The following MDGA2 variants were observed in gnomAD, a reference collection of about 807,000 sequenced individuals.
MDGA2 encodes the protein MAM domain-containing glycosylphosphatidylinositol anchor protein 2.
MDGA2 carries 40 observed loss-of-function variants against 117.8 expected under a neutral mutation model. The ratio of observed to expected loss-of-function variants is 0.34; its 90% CI spans 0.26 to 0.44. The LOEUF is 0.44. MDGA2 is among the 20% of genes least tolerant of loss of function. MDGA2 has a pLI of 1.00. For synonymous variants in MDGA2, 452 were observed against 439.0 expected (o/e 1.03, Z -0.37); for missense variants, 1,123 against 1,250.6 (o/e 0.90, Z 1.54).
intron 1 of MDGA2, among the ~76,000 whole-genome samples, chr14:47,328,711 C>A (rs1027680720): frequency 6.6e-6 from 1 of 152,046 alleles, no homozygotes; most frequent in Non-Finnish European, 1.5e-5. Context: ...GTAAGAACAA[C>A]CTTCAGAGAA....
intron 1 of MDGA2, among the ~76,000 whole-genome samples, chr14:47,624,462 A>G (rs1897105404): frequency 6.6e-6 from 1 of 152,196 alleles, no homozygotes; most frequent in Non-Finnish European, 1.5e-5. Flanking sequence ...CATCTCAAAT[A>G]AGTAAACAAA....
intron 1 of MDGA2, among the ~76,000 whole-genome samples, chr14:47,466,854 C>G (rs750042504): frequency 6.6e-6 from 1 of 151,972 alleles, no homozygotes; most frequent in Non-Finnish European, 1.5e-5. Flanking sequence ...TATATGCATT[C>G]ATTCATTCTG....
At chr14:47,239,144 A>G (rs1352652746) in intron 2 of MDGA2, among the ~76,000 whole-genome samples, 1 of 151,144 alleles carries the variant, frequency 6.6e-6, no homozygotes, top group African/African-American at 2.4e-5. Flanking sequence ...CCTAATATGA[A>G]CCTCATGCTA....
chr14:47,367,578 A>G (rs1891257852), intron 1 of MDGA2, among the ~76,000 whole-genome samples: 1 of 152,248 alleles, frequency 6.6e-6, no homozygotes, highest in South Asian at 2.1e-4. Context: ...AAATAAAACT[A>G]TAGAATGATA....
chr14:46,869,199 C>A (rs142809407), intron 14 of MDGA2, among the ~76,000 whole-genome samples: 4 of 152,070 alleles, frequency 2.6e-5, no homozygotes, highest in African/African-American at 7.2e-5. Context: ...TTGAACCATT[C>A]GTATCAAGTA....
At chr14:47,483,765 G>A (rs563951173) in intron 1 of MDGA2, among the ~76,000 whole-genome samples, 1 of 152,222 alleles carries the variant, frequency 6.6e-6, no homozygotes, top group South Asian at 2.1e-4. Context: ...ATCTCAGCAG[G>A]CAGTGAGTGG....
chr14:47,055,008 T>C (rs918167499), intron 7 of MDGA2, among the ~76,000 whole-genome samples: 4 of 147,026 alleles, frequency 2.7e-5, no homozygotes, highest in Admixed American at 6.7e-5. Flanking sequence ...TTTTCTTTTT[T>C]TTTTTTTTTT....
chr14:47,481,991 A>G (rs1893963488), intron 1 of MDGA2, among the ~76,000 whole-genome samples: 1 of 152,022 alleles, frequency 6.6e-6, no homozygotes, highest in African/African-American at 2.4e-5. Context: ...GTACACAGGC[A>G]CCGTGATATA....
intron 1 of MDGA2, among the ~76,000 whole-genome samples, chr14:47,453,332 C>T (rs189107879): frequency 4.7e-4 from 71 of 152,144 alleles, no homozygotes; most frequent in Admixed American, 3.9e-3. Context: ...CAAAGGGGTG[C>T]TGTAGAGTTT....
At position 47,256,953 on chromosome 14, in the gene MDGA2, G is replaced by T. The variant is rs74382309; in HGVS notation, c.421-38758C>A. 2.0e-5 allele frequency among the ~76,000 whole-genome samples: 3 copies of T among 150,532 alleles called. No homozygotes were observed. The South Asian group carries it at 6.3e-4, about 32-fold the overall frequency. On this transcript the variant is annotated intron_variant, in intron 2 of 16. Coordinates refer to ENST00000399232, the MANE Select transcript of MDGA2 (RefSeq NM_001113498.3). ...TGAAGGAAGTGAGGAATGGAAGAAAGGGAAAGAAAAAAAGAGAAAAGAGGG... is the reference window on the plus strand; with the variant it reads ...TGAAGGAAGTGAGGAATGGAAGAAATGGAAAGAAAAAAAGAGAAAAGAGGG...
At chr14:47,066,402 T>C (rs1024791985) in intron 6 of MDGA2, among the ~76,000 whole-genome samples, 1 of 152,140 alleles carries the variant, frequency 6.6e-6, no homozygotes, top group African/African-American at 2.4e-5. Flanking sequence ...GAGATGCATC[T>C]GGGGAAATAG....
chr14:47,539,728 TTAGAG>T (rs1411080697), intron 1 of MDGA2, among the ~76,000 whole-genome samples: 3 of 152,222 alleles, frequency 2.0e-5, no homozygotes, highest in East Asian at 1.9e-4. Flanking sequence ...ATGGTGTAGC[TTAGAG>T]TAGATTTGGC....
At chr14:47,355,110 C>A (rs539212081) in intron 1 of MDGA2, among the ~76,000 whole-genome samples, 1 of 152,264 alleles carries the variant, frequency 6.6e-6, no homozygotes, top group African/African-American at 2.4e-5. Context: ...TTGTGGGGAG[C>A]ATGCAGGGCT....
At chr14:46,960,880 TTATA>T (rs1885776348) in intron 8 of MDGA2, among the ~76,000 whole-genome samples, 1 of 147,788 alleles carries the variant, frequency 6.8e-6, no homozygotes, top group Non-Finnish European at 1.5e-5. Flanking sequence ...TACACATGTT[TTATA>T]TATACATATA....
chr14:47,453,996 A>T (rs779390305), intron 1 of MDGA2, among the ~76,000 whole-genome samples: 6 of 152,058 alleles, frequency 3.9e-5, no homozygotes, highest in Non-Finnish European at 7.3e-5. Context: ...TTAAAAGATG[A>T]TGTAGCAGAT....
chr14:47,527,355 G>A (rs540297824), intron 1 of MDGA2, among the ~76,000 whole-genome samples: 93 of 152,170 alleles, frequency 6.1e-4, no homozygotes, highest in Non-Finnish European at 1.2e-3. Context: ...TATCTGTCAA[G>A]AATTTTATAG....
chr14:47,538,617 C>T (rs10139261), intron 1 of MDGA2, among the ~76,000 whole-genome samples: 16,200 of 152,206 alleles, frequency 0.11, 953 homozygotes, highest in Middle Eastern at 0.15. Flanking sequence ...ATCAGATGTA[C>T]TTGACCTTCC....
intron 13 of MDGA2, 151 bp from the exon 14 acceptor site, chr14:46,873,742 CT>C (rs949811827): frequency 1.1e-4 from 74 of 662,436 alleles, no homozygotes; most frequent in Non-Finnish European, 1.7e-4. Context: ...GTATATGTAA[CT>C]AATAGTGGCT....
intron 8 of MDGA2, among the ~76,000 whole-genome samples, chr14:46,971,487 T>C (rs2138333441): frequency 6.6e-6 from 1 of 152,224 alleles, no homozygotes; most frequent in Middle Eastern, 3.4e-3. Flanking sequence ...TTCTCTTTCA[T>C]ATGTGAGAGA....
Sources: allele counts gnomAD v4.1 joint callset (sites outside exome capture counted in the v4.1 genomes callset), GRCh38; gene constraint gnomAD v4.1.1; transcripts MANE v1.5; gene names NCBI Gene and HGNC (gene_info 2026-07-23, HGNC 2026-07-21).